The following LRP1B variants were observed in gnomAD, a reference collection of about 807,000 sequenced individuals.
LRP1B encodes the protein low-density lipoprotein receptor-related protein 1B.
A neutral mutation model predicts 556.6 loss-of-function variants in LRP1B; 217 were observed. That is an observed-to-expected ratio of 0.39 (90% CI 0.35 to 0.44). LRP1B has a LOEUF of 0.44. Ranked by LOEUF, LRP1B falls within the 20% of genes least tolerant of loss-of-function variation. LRP1B has a pLI of 1.00. For missense variants in LRP1B, 5,053 were observed against 5,620.8 expected (o/e 0.90, Z 3.23); for synonymous variants, 2,047 against 1,865.8 (o/e 1.10, Z -2.50).
intron 1 of LRP1B, among the ~76,000 whole-genome samples, chr2:141,998,881 C>T (rs1702576581): frequency 6.6e-6 from 1 of 152,120 alleles, no homozygotes; most frequent in Non-Finnish European, 1.5e-5. Flanking sequence ...AGGTAGCAGG[C>T]TTCAGAGCTC....
At chr2:141,496,986 T>C (rs1683532727) in intron 2 of LRP1B, among the ~76,000 whole-genome samples, 1 of 151,968 alleles carries the variant, frequency 6.6e-6, no homozygotes, top group African/African-American at 2.4e-5. Context: ...ATTTTATCAG[T>C]CACTTCTCAA....
rs114387054 is a variant in LRP1B at position 141,068,122 on chromosome 2, G to T, written c.1014-5849C>A. On this transcript the variant is annotated intron_variant, in intron 7 of 90. Coordinates refer to ENST00000389484, the MANE Select transcript of LRP1B (RefSeq NM_018557.3). Reference sequence around the variant, plus strand: ...TGACTAACCGCCCATATTATTTAACGTTCTATTTTAAGATTCAGAAAAATT... The same window carrying T: ...TGACTAACCGCCCATATTATTTAACTTTCTATTTTAAGATTCAGAAAAATT... 5.9e-3 allele frequency among the ~76,000 whole-genome samples: 896 copies of T among 151,922 alleles called. 9 individuals are homozygous for T. The highest frequency in any genetic ancestry group is 0.02 in the African/African-American group (844 of 41,470).
rs144357805 is a variant in LRP1B at position 140,803,531 on chromosome 2, C to A, written c.5359+10126G>T. 6.3e-3 allele frequency among the ~76,000 whole-genome samples: 951 copies of A among 152,028 alleles called. 12 individuals carry two copies. Among genetic ancestry groups the A allele is most frequent in the African/African-American group, 0.02 (838 of 41,492 alleles). ...GCCAGGATGGTCTCCATCTCCTGAT[C>A]TCGTGATCCACTCGCCTTGGCCTCC... On this transcript the variant is annotated intron_variant, in intron 32 of 90. Transcript: ENST00000389484.
intron 1 of LRP1B, among the ~76,000 whole-genome samples, chr2:142,022,739 C>T (rs111979273): frequency 1.2e-4 from 18 of 152,300 alleles, no homozygotes; most frequent in East Asian, 5.8e-4. Context: ...GGCACCATCT[C>T]GGCTCACTGC....
At chr2:140,625,645 A>T (rs1182790113) in intron 41 of LRP1B, among the ~76,000 whole-genome samples, 1 of 152,176 alleles carries the variant, frequency 6.6e-6, no homozygotes, top group South Asian at 2.1e-4. Flanking sequence ...TCAACATCAC[A>T]TGTCATTAGG....
At chr2:140,759,643 T>C (rs1309022205) in intron 35 of LRP1B, among the ~76,000 whole-genome samples, 5 of 152,204 alleles carry the variant, frequency 3.3e-5, no homozygotes, top group Non-Finnish European at 7.4e-5. Context: ...AACTGGCAAC[T>C]GTTGCCAAGT....
At chr2:141,333,412 G>A (rs966462871) in intron 3 of LRP1B, among the ~76,000 whole-genome samples, 1 of 152,028 alleles carries the variant, frequency 6.6e-6, no homozygotes, top group South Asian at 2.1e-4. Context: ...GAACATGGAC[G>A]CTACTATTGG....
chr2:141,599,449 C>T (rs1158872996), intron 2 of LRP1B, among the ~76,000 whole-genome samples: 1 of 151,970 alleles, frequency 6.6e-6, no homozygotes, highest in African/African-American at 2.4e-5. Context: ...AATCTAACCC[C>T]CCGCCACTGC....
intron 1 of LRP1B, among the ~76,000 whole-genome samples, chr2:141,968,857 C>T (rs1238126055): frequency 6.6e-6 from 1 of 151,712 alleles, no homozygotes; most frequent in African/African-American, 2.4e-5. Flanking sequence ...TGCTTAATCT[C>T]TACCGCATTA....
At chr2:140,771,110 A>G (rs927991640) in intron 33 of LRP1B, 104 bp from the exon 34 acceptor site, 85 of 736,158 alleles carry the variant, frequency 1.2e-4, no homozygotes, top group Admixed American at 1.1e-3. Context: ...ATTGATTTCT[A>G]AATGCAGCTG....
chr2:141,199,325 C>T (rs1452746421), intron 6 of LRP1B, among the ~76,000 whole-genome samples: 1 of 152,136 alleles, frequency 6.6e-6, no homozygotes, highest in African/African-American at 2.4e-5. Context: ...CACTCAGGAA[C>T]TGAGGCTCAG....
At position 141,207,592 on chromosome 2, in the gene LRP1B, A is replaced by G. The variant is rs1332066432; in HGVS notation, c.851-19009T>C. Among the ~76,000 whole-genome samples the G allele has an allele frequency of 2.0e-5, 3 of 152,194 alleles. No homozygotes were observed. In the East Asian group the frequency reaches 5.8e-4, roughly 29 times the overall value. On this transcript the variant is annotated intron_variant, in intron 6 of 90. Transcript: ENST00000389484. ...AGAAGCTTCTTTAGTTATGGAAATA[A>G]TATTTTGTGTGTGTGAAGCATTTAA... is the stretch of plus-strand genomic sequence containing the variant.
At chr2:140,848,682 C>G (rs1406100043) in intron 29 of LRP1B, among the ~76,000 whole-genome samples, 1 of 152,128 alleles carries the variant, frequency 6.6e-6, no homozygotes, top group Non-Finnish European at 1.5e-5. Context: ...CCTCCAAATC[C>G]TTCTACCAAA....
intron 63 of LRP1B, among the ~76,000 whole-genome samples, chr2:140,445,987 C>A (rs1686642866): frequency 6.6e-6 from 1 of 151,990 alleles, no homozygotes; most frequent in Non-Finnish European, 1.5e-5. Context: ...TTTATAATTA[C>A]AATATTAAAT....
chr2:140,305,660 A>T (rs1281048003), intron 83 of LRP1B, among the ~76,000 whole-genome samples: 1 of 152,044 alleles, frequency 6.6e-6, no homozygotes, highest in Non-Finnish European at 1.5e-5. Context: ...CTCCTGCCTG[A>T]TTGCCCTGGC....
At chr2:141,294,105 G>A (rs1686085826) in intron 3 of LRP1B, among the ~76,000 whole-genome samples, 1 of 152,082 alleles carries the variant, frequency 6.6e-6, no homozygotes, top group East Asian at 1.9e-4. Context: ...AGACTAAACA[G>A]GTAAAGACCA....
At chr2:140,392,706 TACATGTGATTCAGA>T (rs1684075660) in intron 66 of LRP1B, among the ~76,000 whole-genome samples, 1 of 152,162 alleles carries the variant, frequency 6.6e-6, no homozygotes, top group Admixed American at 6.6e-5. Context: ...CTAACTATAA[TACATGTGATTCAGA>T]ATATAGGATA....
intron 66 of LRP1B, among the ~76,000 whole-genome samples, chr2:140,428,255 G>A (rs1685750341): frequency 6.6e-6 from 1 of 152,122 alleles, no homozygotes; most frequent in Non-Finnish European, 1.5e-5. Flanking sequence ...TACAATAATA[G>A]AGTAGAGGCA....
chr2:141,909,016 G>A (rs949223947), intron 1 of LRP1B, among the ~76,000 whole-genome samples: 2 of 152,028 alleles, frequency 1.3e-5, no homozygotes, highest in Admixed American at 6.6e-5. Context: ...CCCCACTTAC[G>A]TACTGTGCAT....
Sources: allele counts gnomAD v4.1 joint callset (sites outside exome capture counted in the v4.1 genomes callset), GRCh38; gene constraint gnomAD v4.1.1; transcripts MANE v1.5; gene names NCBI Gene and HGNC (gene_info 2026-07-23, HGNC 2026-07-21).